The following RIPK2 variants were observed in gnomAD, a reference collection of about 807,000 sequenced individuals.
RIPK2 encodes receptor-interacting serine/threonine-protein kinase 2.
RIPK2 carries 38 observed loss-of-function variants against 60.9 expected under a neutral mutation model. The observed-to-expected ratio is 0.62, with a 90% confidence interval of 0.48 to 0.82. The LOEUF (loss-of-function observed/expected upper bound fraction) is 0.82. RIPK2 is among the 40% of genes least tolerant of loss of function. The probability of loss-of-function intolerance (pLI) is 0.00; values close to 1 mark genes in which losing one functional copy is unlikely to be tolerated. For missense variants in RIPK2, 518 were observed against 647.0 expected (o/e 0.80, Z 2.16); for synonymous variants, 225 against 223.4 (o/e 1.01, Z -0.06).
intron 6 of RIPK2, among the ~76,000 whole-genome samples, chr8:89,773,563 A>G (rs1809348563): frequency 6.6e-6 from 1 of 152,192 alleles, no homozygotes; most frequent in African/African-American, 2.4e-5. Flanking sequence ...AAAGCCATTA[A>G]AGTATCTTTT....
intron 7 of RIPK2, among the ~76,000 whole-genome samples, chr8:89,781,354 A>ATTTTTTTTTTTTCT (rs1554598656): frequency 0.014 from 2,027 of 143,458 alleles, 62 homozygotes; most frequent in African/African-American, 0.051. Flanking sequence ...AATAGATTGA[A>ATTTTTTTTTTTTCT]TTTTTTTTTT....
chr8:89,772,740 G>A lies in RIPK2; in HGVS notation c.765G>A (p.Leu255=), dbSNP rs772564314. Residue 255 remains leucine, a synonymous_variant, in exon 6 of 11, where the codon TTG becomes TTA. Transcript: ENST00000220751. ...GHRPVINEES[L]PYDIPHRARM... The stretch of plus-strand genomic sequence containing the variant: ...GACCTGTTATTAATGAAGAAAGTTT[G>A]CCATATGATATACCTCACCGAGCAC... The A allele has an allele frequency of 8.7e-6, 14 of 1,611,712 alleles. No individual in the cohort carries two copies. The African/African-American group carries it at 1.7e-4, about 20-fold the overall frequency.
chr8:89,762,607 A>G (rs1473020813), intron 1 of RIPK2, among the ~76,000 whole-genome samples: 1 of 152,138 alleles, frequency 6.6e-6, no homozygotes, highest in Admixed American at 6.5e-5. Flanking sequence ...TTACCTGTCA[A>G]TGGCTTATAG....
Position 89,790,674 on chromosome 8 carries a change from T to G in RIPK2, c.*258T>G, listed in dbSNP as rs117440883. The G allele has an allele frequency of 5.5e-3, 1,872 of 337,854 alleles. 9 individuals carry two copies. Among genetic ancestry groups the G allele is most frequent in the Non-Finnish European group, 7.7e-3 (1,422 of 184,358 alleles). 20.9% of individuals were successfully genotyped at this position (337,854 alleles called of 1,614,324 possible). ...TTAAAGGATAGTAATTATTCTTGTT[T>G]ATAACAGTGCCTTAAGGTATGATGT... On this transcript the variant is annotated 3_prime_UTR_variant, in exon 11 of 11. Coordinates refer to ENST00000220751, the MANE Select transcript of RIPK2 (RefSeq NM_003821.6).
intron 10 of RIPK2, among the ~76,000 whole-genome samples, chr8:89,789,689 G>A (rs1263765678): frequency 6.6e-6 from 1 of 152,156 alleles, no homozygotes; most frequent in African/African-American, 2.4e-5. Flanking sequence ...GGGAGGCAGT[G>A]CTAAGAGGAG....
intron 3 of RIPK2, among the ~76,000 whole-genome samples, chr8:89,769,181 G>C (rs1281712258): frequency 6.6e-6 from 1 of 151,690 alleles, no homozygotes; most frequent in Non-Finnish European, 1.5e-5. Flanking sequence ...CCATTGTATT[G>C]GACATAAATA....
intron 7 of RIPK2, among the ~76,000 whole-genome samples, chr8:89,782,085 T>C (rs1394276403): frequency 6.6e-6 from 1 of 151,708 alleles, no homozygotes; most frequent in Non-Finnish European, 1.5e-5. Flanking sequence ...ACCCAGGAGG[T>C]AGAGGCTATA....
chr8:89,762,737 A>T, intron 1 of RIPK2, 92 bp from the exon 2 acceptor site: 1 of 627,010 alleles, frequency 1.6e-6, no homozygotes, highest in South Asian at 4.5e-5. Flanking sequence ...TCACATAGCT[A>T]ATTAATGAAA....
chr8:89,784,524 G>C (rs570836273), intron 8 of RIPK2, among the ~76,000 whole-genome samples: 1 of 152,160 alleles, frequency 6.6e-6, no homozygotes, highest in Admixed American at 6.5e-5. Context: ...TGCCTAGGAA[G>C]AAAGATCTCT....
At position 89,772,649 on chromosome 8, in the gene RIPK2, A is replaced by G. The variant is rs150885783; in HGVS notation, c.692-18A>G. The G allele has an allele frequency of 3.2e-6, 5 of 1,560,140 alleles. No individual in the cohort carries two copies. The highest frequency in any genetic ancestry group is 2.3e-5 in the East Asian group (1 of 44,316). ...TCATAATATATTACTAATGAATGCA[A>G]TCTATTTGTTTTGACAGATGTCACC... On this transcript the variant is annotated intron_variant, in intron 5 of 10. Transcript: ENST00000220751.
intron 8 of RIPK2, among the ~76,000 whole-genome samples, chr8:89,785,934 G>C (rs748412850): frequency 2.6e-5 from 4 of 152,142 alleles, no homozygotes; most frequent in Non-Finnish European, 4.4e-5. Context: ...GGAACCTGAG[G>C]TGCTGAGAAC....
chr8:89,766,039 C>T (rs1388009598), intron 3 of RIPK2, among the ~76,000 whole-genome samples: 1 of 151,824 alleles, frequency 6.6e-6, no homozygotes, highest in Non-Finnish European at 1.5e-5. Context: ...AACCACTAAT[C>T]TGCTTTCCAT....
At chr8:89,767,023 T>C (rs1809240082) in intron 3 of RIPK2, among the ~76,000 whole-genome samples, 1 of 151,796 alleles carries the variant, frequency 6.6e-6, no homozygotes. Context: ...CCATATTTTT[T>C]CTTCTATGGA....
intron 3 of RIPK2, among the ~76,000 whole-genome samples, chr8:89,768,323 A>G (rs59581432): frequency 0.03 from 4,545 of 151,746 alleles, 182 homozygotes; most frequent in African/African-American, 0.089. Flanking sequence ...TGTTATTTCT[A>G]TAATCCAAAG....
At chr8:89,789,785 TCAAA>T (rs1809645453) in intron 10 of RIPK2, among the ~76,000 whole-genome samples, 1 of 152,110 alleles carries the variant, frequency 6.6e-6, no homozygotes, top group South Asian at 2.1e-4. Flanking sequence ...AAAATGGACA[TCAAA>T]CAAAACTGAA....
rs199584168 is a variant in RIPK2, at chr8:89,762,799, C to A, written c.174-30C>A. 41 of 1,214,908 alleles carry A rather than the reference C, an allele frequency of 3.4e-5. No individual in the cohort carries two copies. The African/African-American group carries it at 5.3e-4, about 16-fold the overall frequency. 75.3% of individuals were successfully genotyped at this position (1,214,908 alleles called of 1,614,324 possible). A position where few individuals can be genotyped will look rare whatever the true frequency, so the allele number is the denominator to read the frequency against. ...ATGATAATTGTATATTTTTTTATTA[C>A]TTGAATAATTATGCATTTTTTTTTC... On this transcript the variant is annotated intron_variant, in intron 1 of 10. Transcript: ENST00000220751.
chr8:89,789,445 A>C lies in RIPK2; in HGVS notation c.1248A>C (p.Ser416=). 1 of 1,614,024 alleles carries C rather than the reference A, an allele frequency of 6.2e-7. No individual in the cohort carries two copies. The highest frequency in any genetic ancestry group is 8.5e-7 in the Non-Finnish European group (1 of 1,179,974). Residue 416 remains serine (S), a synonymous_variant, in exon 10 of 11, where the codon TCA becomes TCC. Transcript: ENST00000220751. ...FCDHKTTPCS[S]AIINPLSTAG... ...ATCACAAGACCACTCCATGCTCTTC[A>C]GCAATAATAAATCCACTCTCAACTG...
chr8:89,763,053 T>C, intron 2 of RIPK2, 71 bp downstream of exon 2: 1 of 1,028,666 alleles, frequency 9.7e-7, no homozygotes, highest in African/African-American at 1.6e-5. Context: ...ACTTTGATTT[T>C]ATATTTGGTC....
intron 2 of RIPK2, among the ~76,000 whole-genome samples, chr8:89,764,950 G>A (rs1225896893): frequency 6.6e-6 from 1 of 152,044 alleles, no homozygotes; most frequent in Non-Finnish European, 1.5e-5. Context: ...GTAATTTTGT[G>A]TGTATTTGTG....
Sources: allele counts gnomAD v4.1 joint callset (sites outside exome capture counted in the v4.1 genomes callset), GRCh38; gene constraint gnomAD v4.1.1; transcripts MANE v1.5; gene names NCBI Gene and HGNC (gene_info 2026-07-23, HGNC 2026-07-21).